Variants in SHROOM4 observed in about 807,000 individuals in gnomAD.
SHROOM4 encodes shroom family member 4.
Under a neutral mutation model 80.3 loss-of-function variants are expected in SHROOM4, and 17 were observed. The observed-to-expected ratio is 0.21, with a 90% confidence interval of 0.14 to 0.32. The LOEUF (loss-of-function observed/expected upper bound fraction) is 0.32, where lower values mean the gene tolerates loss of function less well. SHROOM4 is among the 10% of genes least tolerant of loss of function. The pLI is 1.00. For missense variants in SHROOM4, 993 were observed against 1,140.3 expected (o/e 0.87, Z 1.86); for synonymous variants, 400 against 437.5 (o/e 0.91, Z 1.07).
At chrX:50,749,110 G>A (rs1934848067) in intron 1 of SHROOM4, among the ~76,000 whole-genome samples, 1 of 111,765 alleles carries the variant, frequency 8.9e-6, no homozygotes, top group African/African-American at 3.3e-5. Context: ...TACTGGGGAG[G>A]CTGAGGTGGG....
chrX:50,591,484 C>T lies in SHROOM4; in HGVS notation c.*5211G>A, dbSNP rs1367362061. On this transcript the variant is annotated 3_prime_UTR_variant, in exon 9 of 9. Transcript: ENST00000376020. The stretch of plus-strand genomic sequence containing the variant: ...ATTGAATCTGTAGATCAATTTGGGG[C>T]ACATTTCATCTTAACAATACTAAGT... Among the ~76,000 whole-genome samples the T allele has an allele frequency of 8.9e-6, 1 of 111,879 alleles. No individual in the cohort carries two copies. Among genetic ancestry groups the T allele is most frequent in the African/African-American group, 3.3e-5 (1 of 30,760 alleles).
At chrX:50,657,087 A>G (rs188775559) in intron 2 of SHROOM4, among the ~76,000 whole-genome samples, 28 of 111,292 alleles carry the variant, frequency 2.5e-4, no homozygotes, top group African/African-American at 4.6e-4. Flanking sequence ...AACATTATTG[A>G]TTTTTACAGG....
At chrX:50,619,374 G>C (rs782393868) in intron 5 of SHROOM4, among the ~76,000 whole-genome samples, 1 of 111,204 alleles carries the variant, frequency 9.0e-6, no homozygotes, top group South Asian at 3.9e-4. Context: ...TGCTCCAAGA[G>C]AAACAGACAC....
chrX:50,588,980 C>T lies in SHROOM4; in HGVS notation c.*7715G>A, dbSNP rs1247917187. On this transcript the variant is annotated 3_prime_UTR_variant, in exon 9 of 9. Coordinates refer to ENST00000376020, the MANE Select transcript of SHROOM4 (RefSeq NM_020717.5). ...GGTTTATTTGCCCAATGAGCCGAAG[C>T]TCTTATCCATTCTACCACAATATTT... Among the ~76,000 whole-genome samples the T allele has an allele frequency of 1.8e-5, 2 of 111,778 alleles. No homozygotes were observed. Among genetic ancestry groups the T allele is most frequent in the Non-Finnish European group, 3.8e-5 (2 of 53,137 alleles).
intron 1 of SHROOM4, among the ~76,000 whole-genome samples, chrX:50,714,031 T>C (rs1157216813): frequency 2.7e-5 from 3 of 112,206 alleles, no homozygotes; most frequent in Non-Finnish European, 3.8e-5. Flanking sequence ...TTCTTCTGCA[T>C]ATGCTTATTG....
At chrX:50,752,996 C>A (rs1934954952) in intron 1 of SHROOM4, among the ~76,000 whole-genome samples, 1 of 111,843 alleles carries the variant, frequency 8.9e-6, no homozygotes, top group Non-Finnish European at 1.9e-5. Context: ...GATTGGGAAC[C>A]TCTGAGAGAT....
intron 2 of SHROOM4, among the ~76,000 whole-genome samples, chrX:50,685,153 G>A (rs1418543649): frequency 3.6e-5 from 4 of 111,964 alleles, no homozygotes; most frequent in African/African-American, 3.3e-5. Context: ...GTAGCAGGAC[G>A]AAGGAAAAGG....
In SHROOM4 at chrX:50,665,916, T is replaced by G. The variant is rs781817819; in HGVS notation, c.270-27608A>C. Among the ~76,000 whole-genome samples the G allele has an allele frequency of 9.8e-5, 11 of 111,801 alleles. No homozygotes were observed. The Admixed American group carries it at 1.0e-3, about 11-fold the overall frequency. On this transcript the variant is annotated intron_variant, in intron 2 of 8. Coordinates refer to ENST00000376020, the MANE Select transcript of SHROOM4 (RefSeq NM_020717.5). The stretch of plus-strand genomic sequence containing the variant: ...CATGGAAGAACTCTTCATTCTGGAT[T>G]GAAATCCCTAAGGATAATTTTGTTT...
At chrX:50,582,759 A>G (rs782519343), downstream of SHROOM4, among the ~76,000 whole-genome samples, 28 of 111,618 alleles carry the variant, frequency 2.5e-4, no homozygotes, top group Non-Finnish European at 4.1e-4. Flanking sequence ...TAACACCTCA[A>G]CCAAGTGTAT....
chrX:50,590,037 G>A lies in SHROOM4; in HGVS notation c.*6658C>T, dbSNP rs192330252. Among the ~76,000 whole-genome samples, 1 of 111,561 alleles carries A rather than the reference G, an allele frequency of 9.0e-6. No homozygotes were observed. The highest frequency in any genetic ancestry group is 1.9e-5 in the Non-Finnish European group (1 of 53,137). On this transcript the variant is annotated 3_prime_UTR_variant, in exon 9 of 9. Coordinates refer to ENST00000376020, the MANE Select transcript of SHROOM4 (RefSeq NM_020717.5). ...ATTTCCCTAATGAATAGTAGTGCTT[G>A]AGCATCTTTCCCTGTGCTTGCTAGC...
chrX:50,607,898 T>C lies in SHROOM4; in HGVS notation c.3244A>G (p.Ser1082Gly), dbSNP rs1929761006. Residue 1082 changes from serine to glycine, a missense_variant, in exon 6 of 9, where the codon AGC (serine) becomes GGC (glycine). Transcript: ENST00000376020. ...TCCGACTGGGTCTCATCACCTTTGC[T>C]AAAGAGCTCCCTCCTATGCTGCCCC... ...AWGQHRRELF[S>G]KGDETQSDLL... is the part of the protein sequence containing the mutation. The C allele has an allele frequency of 2.5e-6, 3 of 1,210,575 alleles. No homozygotes were observed. The highest frequency in any genetic ancestry group is 3.4e-6 in the Non-Finnish European group (3 of 894,667).
intron 1 of SHROOM4, among the ~76,000 whole-genome samples, chrX:50,716,336 A>G (rs1258600051): frequency 1.8e-5 from 2 of 111,634 alleles, no homozygotes; most frequent in Non-Finnish European, 3.8e-5. Flanking sequence ...TGAAAATCAC[A>G]GAGATTTTAA....
intron 1 of SHROOM4, among the ~76,000 whole-genome samples, chrX:50,798,878 G>T (rs955657016): frequency 9.0e-6 from 1 of 111,224 alleles, no homozygotes; most frequent in Non-Finnish European, 1.9e-5. Context: ...TCCGAACCAG[G>T]CCTGAAAACA....
downstream of SHROOM4, among the ~76,000 whole-genome samples, chrX:50,584,820 T>G (rs1179436895): frequency 5.4e-5 from 6 of 111,103 alleles, no homozygotes; most frequent in Non-Finnish European, 7.5e-5. Context: ...TGTTTAATTT[T>G]GGATACATTA....
chrX:50,784,706 A>G (rs1446921492), intron 1 of SHROOM4, among the ~76,000 whole-genome samples: 1 of 112,289 alleles, frequency 8.9e-6, no homozygotes, highest in Non-Finnish European at 1.9e-5. Flanking sequence ...CGGTTAAGGC[A>G]AAAATTTCTT....
intron 2 of SHROOM4, among the ~76,000 whole-genome samples, chrX:50,682,360 C>A: frequency 8.9e-6 from 1 of 111,886 alleles, no homozygotes; most frequent in Middle Eastern, 4.6e-3. Flanking sequence ...AAAGTCTCAG[C>A]CTCTAATCCT....
In SHROOM4 at chrX:50,634,688, G is replaced by A. The variant is rs781793240; in HGVS notation, c.1385C>T (p.Pro462Leu). 14 of 1,211,718 alleles carry A rather than the reference G, an allele frequency of 1.2e-5. No individual in the cohort carries two copies. Among genetic ancestry groups the A allele is most frequent in the Admixed American group, 2.2e-5 (1 of 46,044 alleles). Residue 462 changes from proline to leucine, a missense_variant, in exon 4 of 9, where the codon CCC becomes CTC. Transcript: ENST00000376020. ...SSHKGKKSPC[P>L]PTGGTHDQSS... ...CTGGTCATGGGTTCCTCCTGTAGGG[G>A]GGCATGGACTTTTCTTCCCTTTGTG... is the stretch of plus-strand genomic sequence containing the variant.
chrX:50,680,352 C>A (rs1557261693), intron 2 of SHROOM4, among the ~76,000 whole-genome samples: 1 of 111,608 alleles, frequency 9.0e-6, no homozygotes, highest in African/African-American at 3.3e-5. Flanking sequence ...CTCAACTGGT[C>A]CAACTTAGGC....
At position 50,592,520 on chromosome X, in the gene SHROOM4, A is replaced by C; in HGVS notation, c.*4175T>G. On this transcript the variant is annotated 3_prime_UTR_variant, in exon 9 of 9. Transcript: ENST00000376020. ...CTAATGCCAAAGCTGGACTCTTTCT[A>C]CTCTACCACAATGGATATCTTGAGT... The C allele has an allele frequency of 5.3e-6, 1 of 188,125 alleles. No homozygotes were observed. The highest frequency in any genetic ancestry group is 9.2e-5 in the South Asian group (1 of 10,823). 15.5% of individuals were successfully genotyped at this position (188,125 alleles called of 1,213,427 possible).
Sources: allele counts gnomAD v4.1 joint callset (sites outside exome capture counted in the v4.1 genomes callset), GRCh38; gene constraint gnomAD v4.1.1; transcripts MANE v1.5; gene names NCBI Gene and HGNC (gene_info 2026-07-23, HGNC 2026-07-21).